Variants in FHIT observed in about 807,000 individuals in gnomAD.
The protein encoded by FHIT is bis(5'-adenosyl)-triphosphatase.
Under a neutral mutation model 17.9 loss-of-function variants are expected in FHIT, and 19 were observed. The observed-to-expected ratio is 1.06, with a 90% CI of 0.74 to 1.56. The LOEUF (loss-of-function observed/expected upper bound fraction) is 1.56. Among genes scored for constraint, FHIT ranks in the 40% most tolerant of loss-of-function variants. The pLI is 0.00. For synonymous variants in FHIT, 81 were observed against 69.7 expected (o/e 1.16, Z -0.81); for missense variants, 248 against 189.2 (o/e 1.31, Z -1.82).
At chr3:60,135,501 A>G (rs957735741) in intron 5 of FHIT, among the ~76,000 whole-genome samples, 1 of 152,156 alleles carries the variant, frequency 6.6e-6, no homozygotes, top group South Asian at 2.1e-4. Context: ...AACAGCTGCA[A>G]CCTCTAGCCT....
chr3:60,620,674 G>T (rs1030049547), intron 4 of FHIT, among the ~76,000 whole-genome samples: 2 of 151,946 alleles, frequency 1.3e-5, no homozygotes, highest in Non-Finnish European at 2.9e-5. Context: ...TGGCTAGATA[G>T]AACATAGGAG....
intron 4 of FHIT, among the ~76,000 whole-genome samples, chr3:60,548,008 G>A (rs1366770645): frequency 6.6e-6 from 1 of 151,968 alleles, no homozygotes; most frequent in Admixed American, 6.5e-5. Context: ...ATCTCTTTTG[G>A]TATTGCCAAA....
At chr3:59,764,319 C>G (rs1701684268) in intron 8 of FHIT, among the ~76,000 whole-genome samples, 1 of 152,164 alleles carries the variant, frequency 6.6e-6, no homozygotes, top group Non-Finnish European at 1.5e-5. Context: ...TAGCCAGGTG[C>G]TTGGCACTGG....
intron 5 of FHIT, among the ~76,000 whole-genome samples, chr3:60,076,188 G>C (rs17062091): frequency 0.01 from 1,525 of 152,174 alleles, 20 homozygotes; most frequent in African/African-American, 0.035. Flanking sequence ...GAACAGACAT[G>C]ATGGTTTTCC....
chr3:59,881,165 GA>G (rs1290102573), intron 8 of FHIT, among the ~76,000 whole-genome samples: 8 of 152,248 alleles, frequency 5.3e-5, no homozygotes, highest in Admixed American at 1.3e-4. Context: ...TCATGCAACT[GA>G]ATGCTTCCAG....
At chr3:59,851,806 A>C (rs1701949671) in intron 8 of FHIT, among the ~76,000 whole-genome samples, 1 of 152,218 alleles carries the variant, frequency 6.6e-6, no homozygotes, top group African/African-American at 2.4e-5. Context: ...TTATTTTTAA[A>C]CTGCAAGATT....
chr3:60,260,203 G>A (rs1003006040), intron 5 of FHIT, among the ~76,000 whole-genome samples: 2 of 151,952 alleles, frequency 1.3e-5, no homozygotes, highest in East Asian at 1.9e-4. Context: ...TCTAAGGGCC[G>A]TAGAGGGTGT....
At chr3:60,562,591 A>C (rs2036991965) in intron 4 of FHIT, among the ~76,000 whole-genome samples, 1 of 152,160 alleles carries the variant, frequency 6.6e-6, no homozygotes, top group African/African-American at 2.4e-5. Flanking sequence ...GGAGGGTATA[A>C]TACCAGCCAG....
chr3:60,031,730 G>C (rs1312111496), intron 5 of FHIT, among the ~76,000 whole-genome samples: 1 of 152,096 alleles, frequency 6.6e-6, no homozygotes, highest in African/African-American at 2.4e-5. Flanking sequence ...AGGTAATTTG[G>C]GGCTTAGGTC....
chr3:60,662,271 T>C (rs1328558078), intron 4 of FHIT, among the ~76,000 whole-genome samples: 1 of 152,208 alleles, frequency 6.6e-6, no homozygotes, highest in Non-Finnish European at 1.5e-5. Flanking sequence ...TTGCCAGTTA[T>C]CCCAGCACCA....
intron 5 of FHIT, among the ~76,000 whole-genome samples, chr3:60,460,564 A>G (rs572382574): frequency 1.9e-4 from 29 of 152,316 alleles, no homozygotes; most frequent in African/African-American, 6.7e-4. Flanking sequence ...ATAAACCTAG[A>G]AACTGTTTAT....
chr3:61,136,531 T>G (rs1316561407), intron 2 of FHIT, among the ~76,000 whole-genome samples: 1 of 152,106 alleles, frequency 6.6e-6, no homozygotes, highest in Non-Finnish European at 1.5e-5. Flanking sequence ...CAATGGGGGT[T>G]GGAGGTAGGA....
chr3:61,070,724 T>C (rs1478212098), intron 2 of FHIT, among the ~76,000 whole-genome samples: 2 of 152,174 alleles, frequency 1.3e-5, no homozygotes, highest in Non-Finnish European at 2.9e-5. Flanking sequence ...CTGAAATACA[T>C]AATACTAATT....
chr3:60,426,269 A>G (rs1335986839), intron 5 of FHIT, among the ~76,000 whole-genome samples: 1 of 152,138 alleles, frequency 6.6e-6, no homozygotes, highest in African/African-American at 2.4e-5. Flanking sequence ...GGCATACAAT[A>G]ATTGCCATGG....
chr3:60,280,848 A>C (rs899015460), intron 5 of FHIT, among the ~76,000 whole-genome samples: 1 of 152,214 alleles, frequency 6.6e-6, no homozygotes, highest in Non-Finnish European at 1.5e-5. Flanking sequence ...CAAGAAAAGG[A>C]AAGAATATTA....
chr3:60,115,968 A>G (rs1704939310), intron 5 of FHIT, among the ~76,000 whole-genome samples: 1 of 152,216 alleles, frequency 6.6e-6, no homozygotes, highest in South Asian at 2.1e-4. Flanking sequence ...GAGAAGTTGA[A>G]TTAATGTTAA....
At chr3:60,186,436 G>C (rs1247310986) in intron 5 of FHIT, among the ~76,000 whole-genome samples, 1 of 152,134 alleles carries the variant, frequency 6.6e-6, no homozygotes, top group Admixed American at 6.6e-5. Context: ...ATTTGTGTGA[G>C]TTAGTCAACT....
At chr3:61,179,440 T>C (rs2038262235) in intron 2 of FHIT, among the ~76,000 whole-genome samples, 1 of 152,054 alleles carries the variant, frequency 6.6e-6, no homozygotes, top group Non-Finnish European at 1.5e-5. Context: ...CCAGGCACAG[T>C]GACCCACATC....
At chr3:61,179,007 T>G (rs2038241997) in intron 2 of FHIT, among the ~76,000 whole-genome samples, 1 of 140,886 alleles carries the variant, frequency 7.1e-6, no homozygotes, top group Non-Finnish European at 1.5e-5. Flanking sequence ...TTTTTCTTTT[T>G]CTTTTTTTTT....
Sources: allele counts gnomAD v4.1 joint callset (sites outside exome capture counted in the v4.1 genomes callset), GRCh38; gene constraint gnomAD v4.1.1; transcripts MANE v1.5; gene names NCBI Gene and HGNC (gene_info 2026-07-23, HGNC 2026-07-21).